The following STX12 variants were observed in gnomAD, a reference collection of about 807,000 sequenced individuals.
The protein encoded by STX12 is syntaxin 12, also known as syntaxin-12.
STX12 carries 17 observed loss-of-function variants against 42.2 expected under a neutral mutation model. The ratio of observed to expected loss-of-function variants is 0.40; its 90% confidence interval spans 0.28 to 0.60. The LOEUF (loss-of-function observed/expected upper bound fraction) is 0.60. STX12 is among the 20% of genes least tolerant of loss of function. The pLI is 0.39. For missense variants in STX12, 297 were observed against 330.9 expected (o/e 0.90, Z 0.79); for synonymous variants, 108 against 116.7 (o/e 0.93, Z 0.48).
rs2088753417 is a variant in STX12 at position 27,792,286 on chromosome 1, A to ATATACATATATAT, written c.189-1247_189-1246insTATACATATATAT. On this transcript the variant is annotated intron_variant, in intron 2 of 8. Transcript: ENST00000373943. ...CATATATATGTATCTATATATATGT[A>ATATACATATATAT]GATACATATATATGTATCTATATAT... Among the ~76,000 whole-genome samples the ATATACATATATAT allele has an allele frequency of 1.0e-4, 12 of 116,814 alleles. 1 individual carries two copies. Among genetic ancestry groups the ATATACATATATAT allele is most frequent in the African/African-American group, 4.2e-4 (12 of 28,376 alleles). The allele number at this position is 116,814 out of a possible 152,430, so 76.6% of individuals were successfully genotyped here. A position where few individuals can be genotyped will look rare whatever the true frequency, so the allele number is the denominator to read the frequency against.
At chr1:27,783,471 C>T (rs1434781675) in intron 1 of STX12, among the ~76,000 whole-genome samples, 1 of 152,128 alleles carries the variant, frequency 6.6e-6, no homozygotes, top group African/African-American at 2.4e-5. Context: ...GTAGCTGAGA[C>T]TATAGGCATG....
intron 4 of STX12, among the ~76,000 whole-genome samples, chr1:27,807,665 G>A (rs748755735): frequency 6.6e-6 from 1 of 152,164 alleles, no homozygotes; most frequent in South Asian, 2.1e-4. Flanking sequence ...CAGAACACAT[G>A]CAGACCTTGT....
In STX12 at chr1:27,823,376, T is replaced by C. The variant is rs561249064; in HGVS notation, c.*1047T>C. On this transcript the variant is annotated 3_prime_UTR_variant, in exon 9 of 9. Coordinates refer to ENST00000373943, the MANE Select transcript of STX12 (RefSeq NM_177424.3). ...TGTAAATAACACTGGTTTCAAATAG[T>C]GATGTTAGACTTAACCTAATTTATA... 23 of 152,768 alleles carry C rather than the reference T, an allele frequency of 1.5e-4. No individual in the cohort carries two copies. Among genetic ancestry groups the C allele is most frequent in the African/African-American group, 5.5e-4 (23 of 41,582 alleles). 9.5% of individuals were successfully genotyped at this position (152,768 alleles called of 1,614,324 possible).
In STX12 at chr1:27,824,431, C is replaced by T. The variant is rs1345506953; in HGVS notation, c.*2102C>T. The T allele has an allele frequency of 5.7e-4, 87 of 152,096 alleles. 1 individual carries two copies. The highest frequency in any genetic ancestry group is 5.7e-3 in the Admixed American group (87 of 15,262). The allele number at this position is 152,096 out of a possible 1,614,324, so 9.4% of individuals were successfully genotyped here. On this transcript the variant is annotated 3_prime_UTR_variant, in exon 9 of 9. Transcript: ENST00000373943. Reference sequence around the variant, plus strand: ...GGTTCTCCTAGGTGGTCTTAATAAACCTATTCACAGAATTCTCCTTATCTG... The same window carrying T: ...GGTTCTCCTAGGTGGTCTTAATAAATCTATTCACAGAATTCTCCTTATCTG...
rs2089001691 is a variant in STX12, at chr1:27,823,828, T to G, written c.*1499T>G. On this transcript the variant is annotated 3_prime_UTR_variant, in exon 9 of 9. Transcript: ENST00000373943. ...GTGGTAGGTATTAGGTAATGTGCTG[T>G]CATGAGAAAAATTGAGACTTCCAAG... 6.6e-6 allele frequency: 1 copy of G among 152,568 alleles called. No homozygotes were observed. The highest frequency in any genetic ancestry group is 2.4e-5 in the African/African-American group (1 of 41,434). 9.5% of individuals were successfully genotyped at this position (152,568 alleles called of 1,614,324 possible).
chr1:27,808,498 T>C (rs1571529557), intron 4 of STX12, among the ~76,000 whole-genome samples: 1 of 151,842 alleles, frequency 6.6e-6, no homozygotes, highest in Non-Finnish European at 1.5e-5. Flanking sequence ...CCCACCACCA[T>C]GCCTGGCTAA....
intron 4 of STX12, chr1:27,810,040 A>G: frequency 2.0e-6 from 1 of 502,166 alleles, no homozygotes; most frequent in Non-Finnish European, 3.6e-6. Flanking sequence ...GTTTCTGTTC[A>G]GGACTCAAAC....
intron 4 of STX12, among the ~76,000 whole-genome samples, chr1:27,809,377 T>C (rs1252113431): frequency 6.6e-6 from 1 of 151,452 alleles, no homozygotes; most frequent in African/African-American, 2.4e-5. Flanking sequence ...TTTATGTGTG[T>C]TTATGCCAAA....
Position 27,793,545 on chromosome 1 carries a change from A to G in STX12, c.201A>G (p.Gln67=), listed in dbSNP as rs1179061424. The change falls in exon 3 of 9, where the codon CAA becomes CAG. Residue 67 remains glutamine (Q), a synonymous_variant. Coordinates refer to ENST00000373943, the MANE Select transcript of STX12 (RefSeq NM_177424.3). ...TTTTCTCTCTTAGGCAACAGTTACA[A>G]CACTCCACAAATCAGCTCGCCAAGG... ...SKLQENLQQL[Q]HSTNQLAKET... 3 of 1,614,098 alleles carry G rather than the reference A, an allele frequency of 1.9e-6. No homozygotes were observed. Among genetic ancestry groups the G allele is most frequent in the Admixed American group, 1.7e-5 (1 of 60,016 alleles).
chr1:27,821,782 C>T (rs917547173), intron 8 of STX12, among the ~76,000 whole-genome samples: 15 of 151,950 alleles, frequency 9.9e-5, no homozygotes, highest in African/African-American at 3.1e-4. Context: ...TTTGGGAAGC[C>T]GAGGCAGGTA....
intron 2 of STX12, among the ~76,000 whole-genome samples, chr1:27,793,272 C>T (rs2088761389): frequency 6.6e-6 from 1 of 152,146 alleles, no homozygotes; most frequent in African/African-American, 2.4e-5. Context: ...TTCTTCTCTT[C>T]CCAAAGAGTT....
intron 6 of STX12, 74 bp from the exon 7 acceptor site, chr1:27,817,777 C>T: frequency 7.3e-7 from 1 of 1,369,056 alleles, no homozygotes; most frequent in African/African-American, 1.4e-5. Context: ...ATAGCTAAAA[C>T]TTTAGGTACG....
intron 2 of STX12, among the ~76,000 whole-genome samples, chr1:27,790,566 TCA>T (rs2088733064): frequency 6.6e-6 from 1 of 152,256 alleles, no homozygotes; most frequent in African/African-American, 2.4e-5. Context: ...AGAAAATTTC[TCA>T]GAGTCCTCAC....
chr1:27,806,982 CA>C (rs1485792051), intron 4 of STX12, among the ~76,000 whole-genome samples: 2 of 152,182 alleles, frequency 1.3e-5, no homozygotes, highest in Non-Finnish European at 2.9e-5. Context: ...CCTCCCTTCG[CA>C]CGTTGGGATT....
intron 3 of STX12, among the ~76,000 whole-genome samples, chr1:27,794,687 A>G (rs1341425364): frequency 1.3e-5 from 2 of 152,106 alleles, no homozygotes; most frequent in Non-Finnish European, 2.9e-5. Flanking sequence ...TTTAGCTTCT[A>G]TACCATTCGT....
At chr1:27,777,714 G>A (rs2088636497) in intron 1 of STX12, among the ~76,000 whole-genome samples, 1 of 151,704 alleles carries the variant, frequency 6.6e-6, no homozygotes, top group African/African-American at 2.4e-5. Context: ...GTGAAACCCT[G>A]TCTTTACTAA....
At chr1:27,784,548 G>T (rs751387672) in intron 1 of STX12, among the ~76,000 whole-genome samples, 6 of 152,112 alleles carry the variant, frequency 3.9e-5, no homozygotes, top group Non-Finnish European at 7.3e-5. Flanking sequence ...TTTTAAGTAT[G>T]CTCAAGGGCA....
chr1:27,790,614 A>G (rs1220785842), intron 2 of STX12, among the ~76,000 whole-genome samples: 1 of 152,234 alleles, frequency 6.6e-6, no homozygotes, highest in Non-Finnish European at 1.5e-5. Flanking sequence ...ACCTCTAAGT[A>G]TTAAGTAATG....
chr1:27,817,327 T>C (rs969492208), intron 6 of STX12, among the ~76,000 whole-genome samples: 2 of 152,198 alleles, frequency 1.3e-5, no homozygotes, highest in African/African-American at 4.8e-5. Context: ...GGAGTTACCA[T>C]AGGGCATTGT....
Sources: gnomAD v4.1 joint callset for allele counts (sites outside exome capture counted in the v4.1 genomes callset) on GRCh38, gnomAD v4.1.1 for gene constraint, MANE v1.5 for transcripts, NCBI Gene and HGNC (gene_info 2026-07-23, HGNC 2026-07-21) for gene names.